The following PDZRN3 variants were observed in gnomAD, a reference collection of about 807,000 sequenced individuals.
PDZRN3 encodes the protein E3 ubiquitin-protein ligase PDZRN3.
In PDZRN3, 38 loss-of-function variants were observed where a neutral mutation model predicts 85.7. That is an observed-to-expected ratio of 0.44 (90% CI 0.34 to 0.58). The LOEUF is 0.58. PDZRN3 is among the 20% of genes least tolerant of loss of function. The pLI, the probability that PDZRN3 is intolerant of heterozygous loss-of-function variation, is 0.01. For synonymous variants in PDZRN3, 759 were observed against 638.0 expected, an observed-to-expected ratio of 1.19 and a Z score of -2.86; for missense variants, 1,629 against 1,506.4, an observed-to-expected ratio of 1.08 and a Z score of -1.35.
At chr3:73,527,880 C>T (rs1202950034) in intron 3 of PDZRN3, among the ~76,000 whole-genome samples, 1 of 152,084 alleles carries the variant, frequency 6.6e-6, no homozygotes, top group African/African-American at 2.4e-5. Context: ...TGGAAATAAA[C>T]CCCTATTTAC....
chr3:73,505,840 T>A (rs904858643), intron 3 of PDZRN3, among the ~76,000 whole-genome samples: 3 of 151,742 alleles, frequency 2.0e-5, no homozygotes, highest in Middle Eastern at 3.4e-3. Flanking sequence ...AGGCAAAAAA[T>A]AAAATTGCGC....
chr3:73,383,322 A>G lies in PDZRN3; in HGVS notation c.*43T>C. 1 of 1,525,388 alleles carries G rather than the reference A, an allele frequency of 6.6e-7. No individual in the cohort carries two copies. The allele number at this position is 1,525,388 out of a possible 1,614,324, so 94.5% of individuals were successfully genotyped here. ...TGAACGAGGCAGGAATTTCTACCCC[A>G]GTGGTAGTGGTCTCCTTTATGTACA... is the stretch of plus-strand genomic sequence containing the variant. On this transcript the variant is annotated 3_prime_UTR_variant, in exon 10 of 10. Transcript: ENST00000263666.
chr3:73,410,266 G>A (rs1283848061), intron 3 of PDZRN3, among the ~76,000 whole-genome samples: 4 of 152,180 alleles, frequency 2.6e-5, no homozygotes, highest in African/African-American at 9.7e-5. Flanking sequence ...AGGGCTTGGA[G>A]AAGGGAAGGC....
At chr3:73,587,917 G>A (rs1180939493) in intron 3 of PDZRN3, among the ~76,000 whole-genome samples, 2 of 152,118 alleles carry the variant, frequency 1.3e-5, no homozygotes, top group Non-Finnish European at 2.9e-5. Context: ...GAGTCAATTT[G>A]AGGCAAAAAT....
chr3:73,420,712 T>G (rs773460971), intron 3 of PDZRN3, among the ~76,000 whole-genome samples: 48 of 152,190 alleles, frequency 3.2e-4, no homozygotes, highest in Non-Finnish European at 6.5e-4. Context: ...TTTGGAAGCC[T>G]GGCTGCCCCC....
chr3:73,434,110 G>C (rs1393604376), intron 3 of PDZRN3: 1 of 252,650 alleles, frequency 4.0e-6, no homozygotes, highest in Non-Finnish European at 6.2e-6. Flanking sequence ...AACTATGACA[G>C]TTGAAATTTC....
At chr3:73,420,995 A>T (rs904329859) in intron 3 of PDZRN3, among the ~76,000 whole-genome samples, 1 of 152,218 alleles carries the variant, frequency 6.6e-6, no homozygotes, top group Non-Finnish European at 1.5e-5. Context: ...ATTATTTATA[A>T]TACCTAATAC....
intron 3 of PDZRN3, among the ~76,000 whole-genome samples, chr3:73,425,646 G>A (rs536791933): frequency 6.6e-6 from 1 of 152,050 alleles, no homozygotes; most frequent in African/African-American, 2.4e-5. Context: ...GAGTACTGGG[G>A]TGAAGAGCGA....
chr3:73,496,621 A>T (rs1703872472), intron 3 of PDZRN3, among the ~76,000 whole-genome samples: 2 of 152,150 alleles, frequency 1.3e-5, no homozygotes, highest in South Asian at 4.1e-4. Context: ...TAACACAATT[A>T]GCAATTCTTT....
rs1206561612 is a variant in PDZRN3, at chr3:73,383,296, T to C, written c.*69A>G. The C allele has an allele frequency of 1.0e-5, 15 of 1,444,324 alleles. No homozygotes were observed. The highest frequency in any genetic ancestry group is 1.8e-4 in the Middle Eastern group (1 of 5,480). The allele number at this position is 1,444,324 out of a possible 1,614,324, so 89.5% of individuals were successfully genotyped here. A position where few individuals can be genotyped will look rare whatever the true frequency, so the allele number is the denominator to read the frequency against. On this transcript the variant is annotated 3_prime_UTR_variant, in exon 10 of 10. Coordinates refer to ENST00000263666, the MANE Select transcript of PDZRN3 (RefSeq NM_015009.3). ...ATCTTATATACAAAAACTTGCCGCA[T>C]TGAACGAGGCAGGAATTTCTACCCC...
At chr3:73,438,539 G>C (rs139096693) in intron 3 of PDZRN3, among the ~76,000 whole-genome samples, 2 of 152,358 alleles carry the variant, frequency 1.3e-5, no homozygotes, top group East Asian at 3.9e-4. Flanking sequence ...TGGCAGGACT[G>C]AGGAGGAAAC....
At chr3:73,440,153 C>T (rs1220100957) in intron 3 of PDZRN3, among the ~76,000 whole-genome samples, 1 of 152,292 alleles carries the variant, frequency 6.6e-6, no homozygotes, top group East Asian at 1.9e-4. Context: ...TCCTGGCTGC[C>T]TGAGACTGAT....
intron 3 of PDZRN3, among the ~76,000 whole-genome samples, chr3:73,589,279 T>G (rs775764236): frequency 5.9e-5 from 9 of 152,172 alleles, no homozygotes; most frequent in Non-Finnish European, 1.3e-4. Context: ...CTCTCATCTA[T>G]CTCTACTATT....
chr3:73,389,210 A>T (rs1226041114), intron 7 of PDZRN3, among the ~76,000 whole-genome samples: 1 of 152,136 alleles, frequency 6.6e-6, no homozygotes, highest in African/African-American at 2.4e-5. Context: ...AAGAATTTCA[A>T]TTCTGTGAGA....
chr3:73,612,860 TAGAC>T (rs1255084367), intron 1 of PDZRN3, among the ~76,000 whole-genome samples: 3 of 152,194 alleles, frequency 2.0e-5, no homozygotes, highest in Non-Finnish European at 2.9e-5. Context: ...ATGACTGAGA[TAGAC>T]AGATACCCAA....
chr3:73,447,800 A>G (rs1262779766), intron 3 of PDZRN3, among the ~76,000 whole-genome samples: 1 of 152,134 alleles, frequency 6.6e-6, no homozygotes. Context: ...AAAGACCACC[A>G]CCTGCCTTGA....
chr3:73,515,560 C>T (rs921300398), intron 3 of PDZRN3, among the ~76,000 whole-genome samples: 8 of 152,178 alleles, frequency 5.3e-5, no homozygotes, highest in African/African-American at 1.9e-4. Context: ...ACCTCATCCA[C>T]CCGTTACAGA....
chr3:73,498,454 A>G (rs890693528), intron 3 of PDZRN3, among the ~76,000 whole-genome samples: 25 of 151,842 alleles, frequency 1.6e-4, no homozygotes, highest in African/African-American at 6.1e-4. Flanking sequence ...GGCATTTGAA[A>G]AATGGTCGAG....
intron 3 of PDZRN3, among the ~76,000 whole-genome samples, chr3:73,568,004 C>G (rs570871846): frequency 6.6e-6 from 1 of 152,218 alleles, no homozygotes; most frequent in East Asian, 1.9e-4. Context: ...TGAAGGGAAA[C>G]CAGAGGTGGG....
Sources: allele counts gnomAD v4.1 joint callset (sites outside exome capture counted in the v4.1 genomes callset), GRCh38; gene constraint gnomAD v4.1.1; transcripts MANE v1.5; gene names NCBI Gene and HGNC (gene_info 2026-07-23, HGNC 2026-07-21).